The following SLC39A11 variants were observed in gnomAD, a reference collection of about 807,000 sequenced individuals.
SLC39A11 encodes solute carrier family 39 member 11.
Under a neutral mutation model 36.1 loss-of-function variants are expected in SLC39A11, and 33 were observed. The observed-to-expected ratio is 0.91, with a 90% CI of 0.69 to 1.22. SLC39A11 has a LOEUF of 1.22. Among genes scored for constraint, SLC39A11 ranks in the 50% most tolerant of loss-of-function variants. The pLI is 0.00. For missense variants in SLC39A11, 432 were observed against 430.3 expected (o/e 1.00, Z -0.03); for synonymous variants, 166 against 170.3 (o/e 0.97, Z 0.20).
intron 4 of SLC39A11, among the ~76,000 whole-genome samples, chr17:73,007,204 C>T (rs1257178190): frequency 2.6e-5 from 4 of 152,222 alleles, no homozygotes; most frequent in Admixed American, 1.3e-4. Context: ...GAGTGGATCA[C>T]GAGGTCAGAA....
intron 5 of SLC39A11, among the ~76,000 whole-genome samples, chr17:72,907,021 G>T (rs984236001): frequency 6.6e-6 from 1 of 152,194 alleles, no homozygotes; most frequent in Non-Finnish European, 1.5e-5. Flanking sequence ...GACCATCCCA[G>T]AAGAAGGAAA....
At chr17:72,858,222 T>C (rs1186496692) in intron 5 of SLC39A11, among the ~76,000 whole-genome samples, 1 of 152,236 alleles carries the variant, frequency 6.6e-6, no homozygotes, top group African/African-American at 2.4e-5. Flanking sequence ...GCACTACTTA[T>C]TGAATAGGAA....
intron 7 of SLC39A11, among the ~76,000 whole-genome samples, chr17:72,715,194 G>T (rs1026309316): frequency 1.3e-5 from 2 of 152,190 alleles, no homozygotes; most frequent in African/African-American, 4.8e-5. Flanking sequence ...GTACCCCTCT[G>T]CCCAAGGGCA....
intron 7 of SLC39A11, among the ~76,000 whole-genome samples, chr17:72,722,850 G>A (rs1009963500): frequency 1.3e-5 from 2 of 151,946 alleles, no homozygotes; most frequent in South Asian, 2.1e-4. Flanking sequence ...TTGCCAAGCC[G>A]GTCTGTATCT....
intron 5 of SLC39A11, among the ~76,000 whole-genome samples, chr17:72,933,416 T>C (rs1391593467): frequency 1.3e-5 from 2 of 152,320 alleles, no homozygotes; most frequent in East Asian, 1.9e-4. Flanking sequence ...TCAAAGACTT[T>C]GGAGAATATA....
intron 3 of SLC39A11, among the ~76,000 whole-genome samples, chr17:73,074,442 C>T (rs558071062): frequency 4.9e-4 from 74 of 152,022 alleles, no homozygotes; most frequent in African/African-American, 1.5e-3. Flanking sequence ...GGATTAAATG[C>T]GCCCACCACC....
At chr17:72,996,019 C>T (rs1051714182) in intron 4 of SLC39A11, among the ~76,000 whole-genome samples, 10 of 152,080 alleles carry the variant, frequency 6.6e-5, no homozygotes, top group African/African-American at 2.4e-4. Flanking sequence ...TCTGCCTTCC[C>T]GCCTAGCCTA....
chr17:72,729,457 A>AT (rs55729197), intron 7 of SLC39A11, among the ~76,000 whole-genome samples: 16 of 7,240 alleles, frequency 2.2e-3, no homozygotes, highest in East Asian at 0.011. Flanking sequence ...ATATATATAT[A>AT]TTTTTTTTTT....
At chr17:73,013,408 A>T (rs919311383) in intron 4 of SLC39A11, among the ~76,000 whole-genome samples, 1 of 152,248 alleles carries the variant, frequency 6.6e-6, no homozygotes, top group South Asian at 2.1e-4. Context: ...GCTTCCACTT[A>T]TAAGTAAGAA....
At chr17:72,736,550 G>A in intron 7 of SLC39A11, 100 bp downstream of exon 7, 1 of 1,006,432 alleles carries the variant, frequency 9.9e-7, no homozygotes, top group South Asian at 1.3e-5. Flanking sequence ...GGGCTGGGGT[G>A]CTGAACAATA....
chr17:73,078,399 G>A (rs1291391088), intron 3 of SLC39A11, among the ~76,000 whole-genome samples: 2 of 152,130 alleles, frequency 1.3e-5, no homozygotes, highest in African/African-American at 4.8e-5. Context: ...AGATAGATAG[G>A]TAGGTAGGTA....
intron 5 of SLC39A11, among the ~76,000 whole-genome samples, chr17:72,919,751 T>G (rs2083546826): frequency 6.7e-6 from 1 of 149,022 alleles, no homozygotes; most frequent in South Asian, 2.1e-4. Flanking sequence ...TGACCCCGCG[T>G]GGGGTGGAGA....
At chr17:72,871,800 C>G (rs1352520967) in intron 5 of SLC39A11, among the ~76,000 whole-genome samples, 1 of 152,146 alleles carries the variant, frequency 6.6e-6, no homozygotes, top group Non-Finnish European at 1.5e-5. Context: ...AGCAAATGAT[C>G]AAACTTGAGG....
chr17:72,707,709 T>C (rs1036038902), intron 7 of SLC39A11, among the ~76,000 whole-genome samples: 6 of 152,180 alleles, frequency 3.9e-5, no homozygotes, highest in Admixed American at 3.3e-4. Flanking sequence ...ATCCTTGTTC[T>C]GTTATATTAA....
chr17:72,834,123 A>G (rs1490121735), intron 6 of SLC39A11, among the ~76,000 whole-genome samples: 1 of 152,178 alleles, frequency 6.6e-6, no homozygotes, highest in Admixed American at 6.5e-5. Context: ...GGTCTAGTGC[A>G]GTGTCATCCA....
intron 3 of SLC39A11, among the ~76,000 whole-genome samples, chr17:73,082,603 T>C (rs1293311108): frequency 1.3e-5 from 2 of 152,202 alleles, no homozygotes; most frequent in Non-Finnish European, 2.9e-5. Context: ...CTTTGTACTA[T>C]TTTCAAGTTA....
intron 4 of SLC39A11, among the ~76,000 whole-genome samples, chr17:73,018,547 C>CAA (rs200885571): frequency 1.3e-5 from 2 of 149,632 alleles, no homozygotes; most frequent in African/African-American, 4.9e-5. Context: ...GACTCCATAA[C>CAA]AAAAAAAAAC....
intron 5 of SLC39A11, among the ~76,000 whole-genome samples, chr17:72,919,354 G>T (rs2147229149): frequency 6.6e-6 from 1 of 152,222 alleles, no homozygotes; most frequent in East Asian, 1.9e-4. Context: ...ACTTTACCAT[G>T]ATCATAAAGG....
At chr17:72,805,740 CTTTT>C (rs1215224798) in intron 6 of SLC39A11, among the ~76,000 whole-genome samples, 1 of 149,226 alleles carries the variant, frequency 6.7e-6, no homozygotes, top group Non-Finnish European at 1.5e-5. Flanking sequence ...ATTTTTTTTT[CTTTT>C]TCTTTTTCTT....
Sources: allele counts gnomAD v4.1 joint callset (sites outside exome capture counted in the v4.1 genomes callset), GRCh38; gene constraint gnomAD v4.1.1; transcripts MANE v1.5; gene names NCBI Gene and HGNC (gene_info 2026-07-23, HGNC 2026-07-21).